AKAP6: variants seen among roughly 807,000 people sequenced by gnomAD.
AKAP6 encodes A-kinase anchor protein 6.
In AKAP6, 58 loss-of-function variants were observed where a neutral mutation model predicts 188.5. The observed-to-expected ratio is 0.31, with a 90% CI of 0.25 to 0.38. AKAP6 has a LOEUF of 0.38. AKAP6 is among the 10% of genes least tolerant of loss of function. AKAP6 has a pLI of 1.00. For synonymous variants in AKAP6, 989 were observed against 998.6 expected, an observed-to-expected ratio of 0.99 and a Z score of 0.18; for missense variants, 2,710 against 2,740.0, an observed-to-expected ratio of 0.99 and a Z score of 0.24.
chr14:32,631,462 T>C (rs1887269762), intron 7 of AKAP6, among the ~76,000 whole-genome samples: 1 of 152,096 alleles, frequency 6.6e-6, no homozygotes, highest in Non-Finnish European at 1.5e-5. Context: ...TTAAATAGGT[T>C]TTACAAATAT....
Position 32,453,575 on chromosome 14 carries a change from C to CTTTTTTTTTTTTTTTTTTTTT in AKAP6, c.324+19777_324+19797dup, listed in dbSNP as rs71115071. Among the ~76,000 whole-genome samples the CTTTTTTTTTTTTTTTTTTTTT allele has an allele frequency of 8.4e-5, 8 of 95,356 alleles. 3 individuals are homozygous for CTTTTTTTTTTTTTTTTTTTTT. The highest frequency in any genetic ancestry group is 7.1e-4 in the East Asian group (2 of 2,834). The allele number at this position is 95,356 out of a possible 152,430, so 62.6% of individuals were successfully genotyped here. ...GTGGAGATAATAGAATTTTTCTTTT[C>CTTTTTTTTTTTTTTTTTTTTT]TTTTTTTTTTTTTTTTTTTTTTTTT... On this transcript the variant is annotated intron_variant, in intron 2 of 13. Coordinates refer to ENST00000280979, the MANE Select transcript of AKAP6 (RefSeq NM_004274.5).
intron 4 of AKAP6, among the ~76,000 whole-genome samples, chr14:32,548,138 G>T (rs556705008): frequency 1.6e-5 from 2 of 122,084 alleles, no homozygotes; most frequent in Non-Finnish European, 3.2e-5. Flanking sequence ...TTTTGCTCCT[G>T]TTGCCCAGGC....
chr14:32,659,428 T>G (rs1420745409), intron 7 of AKAP6, among the ~76,000 whole-genome samples: 1 of 152,122 alleles, frequency 6.6e-6, no homozygotes, highest in Non-Finnish European at 1.5e-5. Flanking sequence ...CACAAATACT[T>G]TAAACAAGCT....
At chr14:32,431,468 C>A (rs989453865) in intron 1 of AKAP6, among the ~76,000 whole-genome samples, 6 of 152,122 alleles carry the variant, frequency 3.9e-5, no homozygotes, top group Non-Finnish European at 8.8e-5. Context: ...TTGCTTTTTG[C>A]AAATAACTTT....
chr14:32,335,568 T>C (rs1886664419), intron 1 of AKAP6, among the ~76,000 whole-genome samples: 1 of 152,182 alleles, frequency 6.6e-6, no homozygotes, highest in African/African-American at 2.4e-5. Flanking sequence ...GTGGCATTTC[T>C]TTTATAGGCA....
chr14:32,638,441 G>C (rs571721810), intron 7 of AKAP6, among the ~76,000 whole-genome samples: 1 of 152,066 alleles, frequency 6.6e-6, no homozygotes, highest in Admixed American at 6.6e-5. Context: ...CTATTTCACC[G>C]TGTATTAGCA....
At chr14:32,698,060 C>T (rs1890474954) in intron 9 of AKAP6, among the ~76,000 whole-genome samples, 1 of 152,090 alleles carries the variant, frequency 6.6e-6, no homozygotes, top group African/African-American at 2.4e-5. Context: ...GAGTTAGAAA[C>T]CAGTAGAAAA....
chr14:32,532,799 T>G (rs953322332), intron 2 of AKAP6, among the ~76,000 whole-genome samples: 1 of 152,184 alleles, frequency 6.6e-6, no homozygotes, highest in African/African-American at 2.4e-5. Context: ...GAGTGGAGAC[T>G]ACTGCCAAGA....
chr14:32,632,705 G>T (rs777686474), intron 7 of AKAP6, among the ~76,000 whole-genome samples: 1 of 152,002 alleles, frequency 6.6e-6, no homozygotes, highest in Admixed American at 6.6e-5. Context: ...TATAAATGAC[G>T]AGCAGGGGCA....
chr14:32,351,497 G>C (rs1887265892), intron 1 of AKAP6, among the ~76,000 whole-genome samples: 1 of 151,886 alleles, frequency 6.6e-6, no homozygotes, highest in Non-Finnish European at 1.5e-5. Context: ...TGGAGGCAGA[G>C]GCTGTAGTGA....
At chr14:32,594,427 A>G (rs1014169752) in intron 5 of AKAP6, among the ~76,000 whole-genome samples, 1 of 152,100 alleles carries the variant, frequency 6.6e-6, no homozygotes, top group Non-Finnish European at 1.5e-5. Context: ...CTTCATTTTG[A>G]TGGCTATCTA....
intron 4 of AKAP6, among the ~76,000 whole-genome samples, chr14:32,575,295 T>A (rs1884666587): frequency 6.6e-6 from 1 of 151,702 alleles, no homozygotes; most frequent in South Asian, 2.1e-4. Flanking sequence ...TTGGAAAGAG[T>A]TGCAATATGA....
intron 2 of AKAP6, among the ~76,000 whole-genome samples, chr14:32,501,487 C>T (rs2138984927): frequency 6.6e-6 from 1 of 152,214 alleles, no homozygotes; most frequent in East Asian, 1.9e-4. Context: ...CACTTCTACC[C>T]ACGTTCCATT....
At chr14:32,449,536 A>AAAG (rs1566508891) in intron 2 of AKAP6, among the ~76,000 whole-genome samples, 1 of 151,394 alleles carries the variant, frequency 6.6e-6, no homozygotes, top group Admixed American at 6.6e-5. Context: ...AAAAAAAAAA[A>AAAG]AAAAAGAAAA....
At chr14:32,450,527 A>G (rs758295449) in intron 2 of AKAP6, among the ~76,000 whole-genome samples, 2 of 152,192 alleles carry the variant, frequency 1.3e-5, no homozygotes, top group Non-Finnish European at 2.9e-5. Flanking sequence ...TGAGATAAAA[A>G]TAAGTTTGAC....
intron 11 of AKAP6, among the ~76,000 whole-genome samples, chr14:32,772,636 C>T (rs142899599): frequency 6.6e-6 from 1 of 152,206 alleles, no homozygotes; most frequent in East Asian, 1.9e-4. Context: ...GCGCACCACA[C>T]TTAATCATTT....
chr14:32,668,204 C>T (rs1410513988), intron 7 of AKAP6, among the ~76,000 whole-genome samples: 2 of 152,076 alleles, frequency 1.3e-5, no homozygotes, highest in Non-Finnish European at 2.9e-5. Flanking sequence ...GCACTCCCTT[C>T]CCACCCTAGC....
chr14:32,428,514 G>A (rs555298393), intron 1 of AKAP6, among the ~76,000 whole-genome samples: 13 of 152,070 alleles, frequency 8.5e-5, no homozygotes. Context: ...CCGGGGAGAG[G>A]AGGAGCCAAA....
chr14:32,508,791 C>T (rs1881001754), intron 2 of AKAP6, among the ~76,000 whole-genome samples: 1 of 151,086 alleles, frequency 6.6e-6, no homozygotes, highest in Non-Finnish European at 1.5e-5. Context: ...AGTGATTTAT[C>T]TGATTACTCT....
Sources: gnomAD v4.1 joint callset for allele counts (sites outside exome capture counted in the v4.1 genomes callset) on GRCh38, gnomAD v4.1.1 for gene constraint, MANE v1.5 for transcripts, NCBI Gene and HGNC (gene_info 2026-07-23, HGNC 2026-07-21) for gene names.